SNX30: variants seen among roughly 807,000 people sequenced by gnomAD.
SNX30 encodes the protein sorting nexin-30.
A neutral mutation model predicts 46.4 loss-of-function variants in SNX30; 24 were observed. The observed-to-expected ratio is 0.52, with a 90% CI of 0.37 to 0.73. The LOEUF is 0.73. Ranked by LOEUF, SNX30 falls within the 30% of genes least tolerant of loss-of-function variation. The pLI is 0.00. For missense variants in SNX30, 533 were observed against 555.7 expected (o/e 0.96, Z 0.41); for synonymous variants, 189 against 211.5 (o/e 0.89, Z 0.92).
chr9:112,867,999 A>G (rs1049160612), intron 8 of SNX30, among the ~76,000 whole-genome samples: 1 of 152,200 alleles, frequency 6.6e-6, no homozygotes, highest in African/African-American at 2.4e-5. Flanking sequence ...GGCCTTTCAC[A>G]AGGATCTGGG....
At chr9:112,834,333 C>T (rs952210952) in intron 4 of SNX30, among the ~76,000 whole-genome samples, 3 of 152,156 alleles carry the variant, frequency 2.0e-5, no homozygotes, top group African/African-American at 7.2e-5. Flanking sequence ...GTTCAAGCCT[C>T]CAAAACTTCT....
intron 2 of SNX30, among the ~76,000 whole-genome samples, chr9:112,810,878 G>A (rs1840308576): frequency 6.6e-6 from 1 of 152,136 alleles, no homozygotes; most frequent in Admixed American, 6.5e-5. Flanking sequence ...TCACAGGGCG[G>A]TTGGGGAGTG....
chr9:112,752,642 A>T (rs1293641014), intron 1 of SNX30, among the ~76,000 whole-genome samples: 1 of 152,238 alleles, frequency 6.6e-6, no homozygotes, highest in African/African-American at 2.4e-5. Context: ...TTGCTTTCTT[A>T]TCGACAAAAA....
At chr9:112,864,810 G>A (rs757655737) in intron 8 of SNX30, among the ~76,000 whole-genome samples, 20 of 152,138 alleles carry the variant, frequency 1.3e-4, no homozygotes, top group Non-Finnish European at 2.5e-4. Flanking sequence ...TGGTCATCTG[G>A]TGAAGCCTAT....
At chr9:112,814,939 A>G (rs1365948489) in intron 2 of SNX30, among the ~76,000 whole-genome samples, 3 of 152,244 alleles carry the variant, frequency 2.0e-5, no homozygotes, top group Admixed American at 6.5e-5. Context: ...GTGGAATACT[A>G]TGTATGTGTT....
chr9:112,815,650 T>G (rs981155723), intron 2 of SNX30, among the ~76,000 whole-genome samples: 2 of 152,172 alleles, frequency 1.3e-5, no homozygotes, highest in Admixed American at 6.5e-5. Context: ...TGTGAGCCAC[T>G]GCGCCCAGCC....
chr9:112,860,777 A>G (rs1841212990), intron 7 of SNX30, among the ~76,000 whole-genome samples: 2 of 152,230 alleles, frequency 1.3e-5, no homozygotes, highest in South Asian at 2.1e-4. Context: ...GGAAGATGAA[A>G]ACCTGTTTTA....
chr9:112,830,974 A>G (rs1840651335), intron 4 of SNX30, 91 bp downstream of exon 4: 1 of 1,342,622 alleles, frequency 7.4e-7, no homozygotes, highest in Non-Finnish European at 1.0e-6. Flanking sequence ...CGGTCTCTAC[A>G]AAAACTTTTA....
rs754017605 is a variant in SNX30 at position 112,817,706 on chromosome 9, G to C, written c.350G>C (p.Ser117Thr). Residue 117 changes from serine (S) to threonine (T), a missense_variant and splice_region_variant, in exon 3 of 9, where the codon AGT (serine) becomes ACT (threonine). Physicochemically the swap from Ser to Thr is moderately conservative, Grantham distance 58. Around this residue, in one of 3 missense-constraint regions of SNX30, gnomAD observed 191 missense variants for 160.3 expected, o/e 1.19. Transcript: ENST00000374232. ...TYITYRITTK[S>T]TRVEFDLPEY... Reference sequence around the variant, plus strand: ...TTTTTTCCATTCTCTTCTTTGCAGAGTACTCGGGTGGAGTTTGACCTGCCA... The same window carrying C: ...TTTTTTCCATTCTCTTCTTTGCAGACTACTCGGGTGGAGTTTGACCTGCCA... The C allele has an allele frequency of 2.5e-6, 4 of 1,580,532 alleles. No individual in the cohort carries two copies. Among genetic ancestry groups the C allele is most frequent in the Non-Finnish European group, 3.5e-6 (4 of 1,149,732 alleles).
In SNX30 at chr9:112,867,463, A is replaced by ACTCCTCCCACCTCAGTATTC. The variant is rs1554757574; in HGVS notation, c.1255-1312_1255-1293dup. ...TCAGAACTCCTCCTCCATCCTCAGA[A>ACTCCTCCCACCTCAGTATTC]CTCCTCCCACCTCAGTATTCCTCCT... On this transcript the variant is annotated intron_variant, in intron 8 of 8. Coordinates refer to ENST00000374232, the MANE Select transcript of SNX30 (RefSeq NM_001012994.2). 1.1e-3 allele frequency among the ~76,000 whole-genome samples: 118 copies of ACTCCTCCCACCTCAGTATTC among 110,086 alleles called. 2 individuals carry two copies. The highest frequency in any genetic ancestry group is 4.2e-3 in the African/African-American group (115 of 27,082). 72.2% of individuals were successfully genotyped at this position (110,086 alleles called of 152,430 possible).
chr9:112,827,202 T>C (rs552317046), intron 3 of SNX30, among the ~76,000 whole-genome samples: 3 of 152,310 alleles, frequency 2.0e-5, no homozygotes, highest in Admixed American at 2.0e-4. Context: ...CTGCCAGTCT[T>C]ACAACAAAGA....
chr9:112,835,695 G>A (rs770499331), intron 4 of SNX30, among the ~76,000 whole-genome samples: 1 of 152,080 alleles, frequency 6.6e-6, no homozygotes, highest in Non-Finnish European at 1.5e-5. Flanking sequence ...AGAAATCCAG[G>A]GTTAAAATGT....
chr9:112,780,327 T>G (rs1163865992), intron 1 of SNX30, among the ~76,000 whole-genome samples: 1 of 152,252 alleles, frequency 6.6e-6, no homozygotes, highest in Non-Finnish European at 1.5e-5. Context: ...ATTGTGAATG[T>G]ATTTAACACT....
Position 112,790,415 on chromosome 9 carries a change from C to T in SNX30, c.157-14361C>T, listed in dbSNP as rs1588116915. 1.3e-5 allele frequency among the ~76,000 whole-genome samples: 2 copies of T among 152,202 alleles called. 1 individual carries two copies. Among genetic ancestry groups the T allele is most frequent in the South Asian group, 4.1e-4 (2 of 4,830 alleles). ...TGTCAGTGGCTGTGAGTCAGCTTCT[C>T]TGGCCCTCTCCTGCAAGTCTTCCCA... On this transcript the variant is annotated intron_variant, in intron 1 of 8. Transcript: ENST00000374232.
intron 4 of SNX30, among the ~76,000 whole-genome samples, chr9:112,831,140 A>T (rs1007571289): frequency 3.1e-4 from 39 of 126,984 alleles, no homozygotes; most frequent in African/African-American, 8.4e-4. Context: ...CTATCTCTTT[A>T]AAAAAAAAAA....
intron 7 of SNX30, among the ~76,000 whole-genome samples, chr9:112,854,287 A>G (rs1841083869): frequency 6.6e-6 from 1 of 152,198 alleles, no homozygotes; most frequent in African/African-American, 2.4e-5. Flanking sequence ...GCTGCCTGCC[A>G]GGGCTCCTGG....
chr9:112,797,705 C>CT (rs1840129537), intron 1 of SNX30, among the ~76,000 whole-genome samples: 1 of 70,698 alleles, frequency 1.4e-5, no homozygotes, highest in African/African-American at 4.8e-5. Flanking sequence ...TTTTCTTTTT[C>CT]TTTTTCTTTT....
intron 8 of SNX30, among the ~76,000 whole-genome samples, chr9:112,865,659 A>ATGTGTG (rs1473545725): frequency 2.0e-4 from 16 of 79,680 alleles, no homozygotes; most frequent in African/African-American, 7.9e-4. Flanking sequence ...ATATATATAT[A>ATGTGTG]TATGTATGTA....
At chr9:112,808,466 C>T (rs1031614265) in intron 2 of SNX30, among the ~76,000 whole-genome samples, 1 of 152,202 alleles carries the variant, frequency 6.6e-6, no homozygotes, top group South Asian at 2.1e-4. Context: ...CTTCTTAGGG[C>T]AGGCAGCTTC....
Sources: gnomAD v4.1 joint callset for allele counts (sites outside exome capture counted in the v4.1 genomes callset) on GRCh38, gnomAD v4.1.1 for gene constraint, gnomAD v4.1.1 regional missense constraint, MANE v1.5 for transcripts, NCBI Gene and HGNC (gene_info 2026-07-23, HGNC 2026-07-21) for gene names.